EPHA7: variants seen among roughly 807,000 people sequenced by gnomAD.
EPHA7 encodes the protein ephrin type-A receptor 7.
Under a neutral mutation model 112.6 loss-of-function variants are expected in EPHA7, and 25 were observed. The observed-to-expected ratio is 0.22, with a 90% CI of 0.16 to 0.31. The LOEUF is 0.31. Among genes scored for constraint, EPHA7 ranks in the 10% least tolerant of loss-of-function variants. The pLI is 1.00. For synonymous variants in EPHA7, 437 were observed against 406.5 expected (o/e 1.07, Z -0.90); for missense variants, 962 against 1,212.6 (o/e 0.79, Z 3.07).
Position 93,419,496 on chromosome 6 carries a change from A to C in EPHA7, c.-155T>G. ...GCTGCTCCACGTTTAGCTTTTTTTA[A>C]TTTCCCCCCCACTCCTGTTCGCTCG... On this transcript the variant is annotated 5_prime_UTR_variant, in exon 1 of 17. Coordinates refer to ENST00000369303, the MANE Select transcript of EPHA7 (RefSeq NM_004440.4). 1 of 582,894 alleles carries C rather than the reference A, an allele frequency of 1.7e-6. No homozygotes were observed. 36.1% of individuals were successfully genotyped at this position (582,894 alleles called of 1,614,324 possible). A position where few individuals can be genotyped will look rare whatever the true frequency, so the allele number is the denominator to read the frequency against.
At chr6:93,268,413 A>G (rs1771051967) in intron 7 of EPHA7, among the ~76,000 whole-genome samples, 1 of 151,836 alleles carries the variant, frequency 6.6e-6, no homozygotes. Context: ...AGATCTATAC[A>G]ATTCTTCCTT....
At chr6:93,265,211 T>C (rs988537868) in intron 7 of EPHA7, among the ~76,000 whole-genome samples, 1 of 151,730 alleles carries the variant, frequency 6.6e-6, no homozygotes, top group African/African-American at 2.4e-5. Context: ...CATAAATTTA[T>C]AGTCCACTAT....
intron 13 of EPHA7, 33 bp from the exon 14 acceptor site, chr6:93,254,829 G>A (rs753746085): frequency 6.4e-7 from 1 of 1,557,550 alleles, no homozygotes; most frequent in Non-Finnish European, 8.7e-7. Flanking sequence ...TTTTAAATAT[G>A]TATAATAACT....
At chr6:93,335,130 C>T (rs1031622093) in intron 5 of EPHA7, among the ~76,000 whole-genome samples, 3 of 152,054 alleles carry the variant, frequency 2.0e-5, no homozygotes, top group Non-Finnish European at 2.9e-5. Flanking sequence ...ACAAAACTAT[C>T]GCAAGTTTGA....
intron 5 of EPHA7, among the ~76,000 whole-genome samples, chr6:93,284,939 T>C (rs535203046): frequency 2.7e-5 from 4 of 149,682 alleles, no homozygotes; most frequent in South Asian, 2.1e-4. Context: ...GGCGTGTGTA[T>C]ACCTATGTAA....
chr6:93,301,376 C>T (rs1307613062), intron 5 of EPHA7, among the ~76,000 whole-genome samples: 1 of 152,054 alleles, frequency 6.6e-6, no homozygotes, highest in Non-Finnish European at 1.5e-5. Context: ...TGACAGTTCT[C>T]TTCTAGCTAA....
At position 93,345,533 on chromosome 6, in the gene EPHA7, C is replaced by T. The variant is rs150244066; in HGVS notation, c.1324+11184G>A. 3.8e-4 allele frequency among the ~76,000 whole-genome samples: 57 copies of T among 151,782 alleles called. 1 individual carries two copies. The highest frequency in any genetic ancestry group is 6.8e-3 in the Middle Eastern group (2 of 294). On this transcript the variant is annotated intron_variant, in intron 5 of 16. Coordinates refer to ENST00000369303, the MANE Select transcript of EPHA7 (RefSeq NM_004440.4). ...ATTTTGTTAAGGCTGCAGCAATTAT[C>T]TCTCCCTTTGTGATTGACCTATTTG...
chr6:93,373,222 A>G (rs973426213), intron 3 of EPHA7, among the ~76,000 whole-genome samples: 10 of 151,994 alleles, frequency 6.6e-5, no homozygotes. Context: ...TTTTATTAAA[A>G]TAATCACAAA....
chr6:93,416,980 G>A (rs1227921353), intron 1 of EPHA7, among the ~76,000 whole-genome samples: 1 of 152,156 alleles, frequency 6.6e-6, no homozygotes, highest in East Asian at 1.9e-4. Context: ...AGCCGGTGGC[G>A]CCCTCGCTCG....
Position 93,263,901 on chromosome 6 carries a change from C to T in EPHA7, c.1757G>A (p.Ser586Asn). The T allele has an allele frequency of 6.2e-7, 1 of 1,609,364 alleles. No individual in the cohort carries two copies. Among genetic ancestry groups the T allele is most frequent in the Non-Finnish European group, 8.5e-7 (1 of 1,177,030 alleles). Residue 586 changes from serine to asparagine, a missense_variant, in exon 9 of 17, where the codon AGC becomes AAC. By Grantham distance (46) the Ser-to-Asn change is conservative. Around this residue, in one of 3 missense-constraint regions of EPHA7, gnomAD observed 746 missense variants for 889.2 expected, o/e 0.84. Transcript: ENST00000369303. ...FIIGRRHCGY[S>N]KADQEGDEEL... ...TTCATCGCCTTCTTGGTCAGCTTTG[C>T]TATAACCACAGTGCCTTGAAGAAAG...
At chr6:93,357,732 C>T (rs192831035) in intron 4 of EPHA7, among the ~76,000 whole-genome samples, 4 of 151,520 alleles carry the variant, frequency 2.6e-5, no homozygotes, top group Non-Finnish European at 4.4e-5. Context: ...CGGCTCACTG[C>T]AACCTCCGCC....
At chr6:93,390,216 A>T (rs1418722866) in intron 3 of EPHA7, among the ~76,000 whole-genome samples, 1 of 151,170 alleles carries the variant, frequency 6.6e-6, no homozygotes, top group East Asian at 1.9e-4. Flanking sequence ...ACTGGTCTGG[A>T]TTCTCAAAAA....
intron 5 of EPHA7, among the ~76,000 whole-genome samples, chr6:93,309,462 TATAATC>T (rs1302457397): frequency 3.9e-5 from 6 of 152,108 alleles, no homozygotes; most frequent in African/African-American, 7.2e-5. Context: ...TTTCAGCACT[TATAATC>T]ATAATTAAAA....
intron 5 of EPHA7, among the ~76,000 whole-genome samples, chr6:93,303,989 T>G (rs1044962117): frequency 1.3e-5 from 2 of 152,068 alleles, no homozygotes; most frequent in Non-Finnish European, 2.9e-5. Flanking sequence ...GAGAAATGAA[T>G]AGGAGAAAGG....
At chr6:93,247,502 A>G (rs886178988) in intron 14 of EPHA7, among the ~76,000 whole-genome samples, 4 of 152,190 alleles carry the variant, frequency 2.6e-5, no homozygotes. Context: ...TGTTAGTGTT[A>G]TAAGACAGTA....
chr6:93,400,315 A>C (rs117519056), intron 3 of EPHA7, among the ~76,000 whole-genome samples: 10 of 152,192 alleles, frequency 6.6e-5, no homozygotes, highest in Non-Finnish European at 1.5e-4. Context: ...CTACTATTAA[A>C]ATAAACAGGG....
intron 3 of EPHA7, among the ~76,000 whole-genome samples, chr6:93,395,397 G>T (rs1281776158): frequency 6.6e-6 from 1 of 151,804 alleles, no homozygotes; most frequent in Non-Finnish European, 1.5e-5. Context: ...ACTGCATTTA[G>T]AGACAGAAGA....
chr6:93,259,516 A>T, intron 9 of EPHA7, 37 bp from the exon 10 acceptor site: 1 of 1,607,472 alleles, frequency 6.2e-7, no homozygotes, highest in Non-Finnish European at 8.5e-7. Flanking sequence ...GTGATGAAGC[A>T]AAGCACTTAT....
chr6:93,269,938 C>T (rs1771130056), intron 6 of EPHA7, among the ~76,000 whole-genome samples: 1 of 151,548 alleles, frequency 6.6e-6, no homozygotes, highest in Non-Finnish European at 1.5e-5. Flanking sequence ...ACTATTTAGC[C>T]ATAATATAAT....
Sources: allele counts gnomAD v4.1 joint callset (sites outside exome capture counted in the v4.1 genomes callset), GRCh38; gene constraint gnomAD v4.1.1; regional missense constraint gnomAD v4.1.1; transcripts MANE v1.5; gene names NCBI Gene and HGNC (gene_info 2026-07-23, HGNC 2026-07-21).